PTPRN2: variants seen among roughly 807,000 people sequenced by gnomAD.
PTPRN2 encodes the protein receptor-type tyrosine-protein phosphatase N2.
PTPRN2 carries 74 observed loss-of-function variants against 118.8 expected under a neutral mutation model. The ratio of observed to expected loss-of-function variants is 0.62; its 90% confidence interval spans 0.52 to 0.76. The LOEUF (loss-of-function observed/expected upper bound fraction) is 0.76, where lower values mean the gene tolerates loss of function less well. Ranked by LOEUF, PTPRN2 falls within the 30% of genes least tolerant of loss-of-function variation. PTPRN2 has a pLI of 0.00. For synonymous variants in PTPRN2, 641 were observed against 608.0 expected, an observed-to-expected ratio of 1.05 and a Z score of -0.80; for missense variants, 1,481 against 1,394.4, an observed-to-expected ratio of 1.06 and a Z score of -0.99.
At chr7:158,252,646 AC>A (rs1796760537) in intron 3 of PTPRN2, among the ~76,000 whole-genome samples, 1 of 152,208 alleles carries the variant, frequency 6.6e-6, no homozygotes, top group Admixed American at 6.5e-5. Flanking sequence ...CAGGGAAGCC[AC>A]CACGCCAGCT....
intron 6 of PTPRN2, among the ~76,000 whole-genome samples, chr7:158,146,625 G>A (rs1435182419): frequency 1.3e-5 from 2 of 149,630 alleles, no homozygotes; most frequent in African/African-American, 2.5e-5. Context: ...GGAGCCTGAG[G>A]CAGAAGAATG....
At chr7:158,169,417 A>AGTGTGT (rs375257745) in intron 5 of PTPRN2, among the ~76,000 whole-genome samples, 12,348 of 136,482 alleles carry the variant, frequency 0.09, 716 homozygotes, top group East Asian at 0.21. Context: ...TGCTTTTGTG[A>AGTGTGT]GTGTGTGTGT....
chr7:158,167,938 G>A (rs754665695), intron 5 of PTPRN2, among the ~76,000 whole-genome samples: 2 of 152,082 alleles, frequency 1.3e-5, no homozygotes, highest in Non-Finnish European at 2.9e-5. Flanking sequence ...TCTACCTTTT[G>A]GCTATTTTGA....
intron 2 of PTPRN2, among the ~76,000 whole-genome samples, chr7:158,424,035 AG>A (rs1815484836): frequency 6.6e-6 from 1 of 152,210 alleles, no homozygotes; most frequent in African/African-American, 2.4e-5. Flanking sequence ...AACAGCTCCA[AG>A]GTCTCCGAGC....
intron 2 of PTPRN2, among the ~76,000 whole-genome samples, chr7:158,476,724 G>A (rs1001753591): frequency 4.6e-5 from 7 of 152,390 alleles, no homozygotes; most frequent in South Asian, 2.1e-4. Flanking sequence ...AAACGAGGGC[G>A]TCCTTAGCGG....
intron 2 of PTPRN2, among the ~76,000 whole-genome samples, chr7:158,435,365 A>C (rs1816504480): frequency 6.6e-6 from 1 of 152,178 alleles, no homozygotes; most frequent in Admixed American, 6.5e-5. Flanking sequence ...CGACATCACT[A>C]ATCGCCAGCA....
intron 12 of PTPRN2, among the ~76,000 whole-genome samples, chr7:157,810,920 G>A (rs1356303855): frequency 6.6e-6 from 1 of 152,150 alleles, no homozygotes; most frequent in Non-Finnish European, 1.5e-5. Flanking sequence ...ACTGAGCACT[G>A]AGGGTCAGCA....
chr7:157,822,694 TCCATCCACTCTTCTATCCAC>T (rs1271544520), intron 12 of PTPRN2, among the ~76,000 whole-genome samples: 1 of 151,922 alleles, frequency 6.6e-6, no homozygotes, highest in East Asian at 1.9e-4. Context: ...CCATTATCTA[TCCATCCACTCTTCTATCCAC>T]CCATCCACTA....
intron 3 of PTPRN2, among the ~76,000 whole-genome samples, chr7:158,223,188 C>T (rs1828490800): frequency 6.6e-6 from 1 of 152,108 alleles, no homozygotes. Flanking sequence ...AATTAAATAT[C>T]TACCCAGAAA....
At chr7:158,536,457 T>C (rs1233563162) in intron 1 of PTPRN2, among the ~76,000 whole-genome samples, 3 of 135,682 alleles carry the variant, frequency 2.2e-5, no homozygotes, top group African/African-American at 5.7e-5. Flanking sequence ...CAAGGGCCTT[T>C]CCAGCCCGCC....
intron 12 of PTPRN2, among the ~76,000 whole-genome samples, chr7:157,709,387 C>T (rs536714680): frequency 4.6e-5 from 7 of 152,218 alleles, no homozygotes; most frequent in Non-Finnish European, 8.8e-5. Flanking sequence ...CCTGGTCCTC[C>T]TGCGGGTAGC....
At chr7:158,008,796 G>T (rs778702791) in intron 11 of PTPRN2, among the ~76,000 whole-genome samples, 3 of 152,082 alleles carry the variant, frequency 2.0e-5, no homozygotes, top group Non-Finnish European at 4.4e-5. Context: ...TCTCTTCCAC[G>T]CACGTGTCTG....
At chr7:158,055,044 C>T (rs150378247) in intron 11 of PTPRN2, among the ~76,000 whole-genome samples, 378 of 152,258 alleles carry the variant, frequency 2.5e-3, no homozygotes, top group African/African-American at 8.2e-3. Flanking sequence ...CGAACTGTTC[C>T]AGTGTAATAA....
chr7:157,691,505 A>G (rs930956973), intron 12 of PTPRN2, among the ~76,000 whole-genome samples: 2 of 152,138 alleles, frequency 1.3e-5, no homozygotes, highest in African/African-American at 4.8e-5. Flanking sequence ...TCACTTTACC[A>G]GGGTCCTCCC....
rs371228410 is a variant in PTPRN2, at chr7:158,500,958, G to A, written c.113-11173C>T. ...GGTCAGGCAAGCGGCTTGCACACGC[G>A]AGGGTGTGACAGGCTCCGGGCCACG... On this transcript the variant is annotated intron_variant, in intron 1 of 22. Coordinates refer to ENST00000389418, the MANE Select transcript of PTPRN2 (RefSeq NM_002847.5). Among the ~76,000 whole-genome samples, 31 of 152,366 alleles carry A rather than the reference G, an allele frequency of 2.0e-4. 1 individual carries two copies. The East Asian group carries it at 4.1e-3, about 20-fold the overall frequency.
At chr7:158,461,934 TACTC>T (rs1819025342) in intron 2 of PTPRN2, among the ~76,000 whole-genome samples, 2 of 33,216 alleles carry the variant, frequency 6.0e-5, no homozygotes, top group South Asian at 1.9e-3. Context: ...AAACAACCCA[TACTC>T]ACCCCATGGC....
chr7:158,312,280 A>C lies in PTPRN2; in HGVS notation c.277+4539T>G, dbSNP rs916680513. ...CGCACTCACGTGCTCACATGTAGAC[A>C]CGCACACATGCACACACATGTGCTC... On this transcript the variant is annotated intron_variant, in intron 3 of 22. Transcript: ENST00000389418. Among the ~76,000 whole-genome samples, 9 of 141,544 alleles carry C rather than the reference A, an allele frequency of 6.4e-5. No individual in the cohort carries two copies. In the South Asian group the frequency reaches 1.2e-3, roughly 18 times the overall value. 92.9% of individuals were successfully genotyped at this position (141,544 alleles called of 152,430 possible).
rs537176937 is a variant in PTPRN2 at position 157,826,946 on chromosome 7, C to T, written c.1788+71727G>A. 8.5e-5 allele frequency among the ~76,000 whole-genome samples: 13 copies of T among 152,236 alleles called. 1 individual carries two copies. The South Asian group carries it at 1.0e-3, about 12-fold the overall frequency. On this transcript the variant is annotated intron_variant, in intron 12 of 22. Coordinates refer to ENST00000389418, the MANE Select transcript of PTPRN2 (RefSeq NM_002847.5). ...GGCACCAGAGGGGTCTATACTGACC[C>T]GGCTCCTGCACAGGACCCTCCAAAT...
intron 2 of PTPRN2, among the ~76,000 whole-genome samples, chr7:158,340,133 G>T (rs1427298748): frequency 1.3e-5 from 1 of 78,820 alleles, no homozygotes; most frequent in African/African-American, 4.4e-5. Flanking sequence ...GACACCTGGA[G>T]ACGTCACTCA....
Sources: allele counts gnomAD v4.1 joint callset (sites outside exome capture counted in the v4.1 genomes callset), GRCh38; gene constraint gnomAD v4.1.1; transcripts MANE v1.5; gene names NCBI Gene and HGNC (gene_info 2026-07-23, HGNC 2026-07-21).